The following ME3 variants were observed in gnomAD, a reference collection of about 807,000 sequenced individuals.
ME3 encodes the protein NADP-dependent malic enzyme, mitochondrial.
In ME3, 48 loss-of-function variants were observed where a neutral mutation model predicts 68.9. The ratio of observed to expected loss-of-function variants is 0.70; its 90% CI spans 0.55 to 0.89. The LOEUF (loss-of-function observed/expected upper bound fraction) is 0.89, where lower values mean the gene tolerates loss of function less well. Ranked by LOEUF, ME3 falls within the 40% of genes least tolerant of loss-of-function variation. The pLI is 0.00. For synonymous variants in ME3, 320 were observed against 318.8 expected (o/e 1.00, Z -0.04); for missense variants, 675 against 797.4 (o/e 0.85, Z 1.85).
chr11:86,652,425 G>C (rs1315298912), intron 2 of ME3, among the ~76,000 whole-genome samples: 1 of 152,196 alleles, frequency 6.6e-6, no homozygotes, highest in African/African-American at 2.4e-5. Context: ...CCAGAAGAGA[G>C]TGGGGGTCAA....
intron 6 of ME3, chr11:86,489,249 C>T (rs2138947124): frequency 6.6e-6 from 1 of 152,286 alleles, no homozygotes; most frequent in East Asian, 1.9e-4. Context: ...TCAAGTCTCA[C>T]CTCCACCACA....
intron 2 of ME3, among the ~76,000 whole-genome samples, chr11:86,598,728 G>C (rs112290268): frequency 1.0e-3 from 154 of 152,202 alleles, no homozygotes; most frequent in African/African-American, 3.5e-3. Context: ...CACCTCACGC[G>C]GCCAGGTACT....
intron 8 of ME3, among the ~76,000 whole-genome samples, chr11:86,461,310 C>T (rs1322885031): frequency 1.3e-5 from 2 of 152,080 alleles, no homozygotes; most frequent in Non-Finnish European, 2.9e-5. Context: ...GTGTTTGTCC[C>T]CCAGTGAGGG....
At chr11:86,663,068 G>A (rs1565295328) in intron 2 of ME3, among the ~76,000 whole-genome samples, 1 of 152,188 alleles carries the variant, frequency 6.6e-6, no homozygotes, top group Non-Finnish European at 1.5e-5. Context: ...ACACTACAGA[G>A]GAAGATGTTT....
intron 2 of ME3, among the ~76,000 whole-genome samples, chr11:86,587,301 C>T (rs1412532541): frequency 6.6e-6 from 1 of 152,192 alleles, no homozygotes; most frequent in Non-Finnish European, 1.5e-5. Flanking sequence ...AGGTCTTTCC[C>T]TGAGACCATT....
At chr11:86,512,456 CCAT>C (rs1953607716) in intron 4 of ME3, among the ~76,000 whole-genome samples, 1 of 152,126 alleles carries the variant, frequency 6.6e-6, no homozygotes, top group African/African-American at 2.4e-5. Flanking sequence ...TAAACTTAGT[CCAT>C]AATAGATGTG....
chr11:86,665,958 C>T (rs550014960), intron 2 of ME3, among the ~76,000 whole-genome samples: 1 of 152,074 alleles, frequency 6.6e-6, no homozygotes, highest in South Asian at 2.1e-4. Context: ...TATGAGATGG[C>T]AAAGGAGTGA....
chr11:86,522,265 CAAACAAACAAAA>C (rs541006474), intron 4 of ME3, among the ~76,000 whole-genome samples: 3 of 148,482 alleles, frequency 2.0e-5, no homozygotes, highest in African/African-American at 7.5e-5. Context: ...AACAAACAAA[CAAACAAACAAAA>C]AACCAGATTA....
intron 7 of ME3, among the ~76,000 whole-genome samples, chr11:86,480,689 T>C (rs1951351958): frequency 6.6e-6 from 1 of 152,136 alleles, no homozygotes; most frequent in Non-Finnish European, 1.5e-5. Flanking sequence ...GATGTGTGAG[T>C]GCTTTCCCCA....
chr11:86,620,636 T>G (rs1943288186), intron 2 of ME3, among the ~76,000 whole-genome samples: 1 of 152,192 alleles, frequency 6.6e-6, no homozygotes, highest in African/African-American at 2.4e-5. Context: ...GAACAATCAT[T>G]AAAGGGAGTT....
intron 2 of ME3, among the ~76,000 whole-genome samples, chr11:86,660,232 A>C (rs1946186685): frequency 6.6e-6 from 1 of 152,188 alleles, no homozygotes; most frequent in African/African-American, 2.4e-5. Flanking sequence ...TGGCCATCGA[A>C]AGTGAGTTTG....
chr11:86,442,869 G>A (rs7548), exon 14 of ME3: 511,247 of 1,611,442 alleles, frequency 0.32, 84,442 homozygotes, highest in Non-Finnish European at 0.35. Context: ...TGAGTGGTGG[G>A]TAGAGTCTCC....
intron 7 of ME3, among the ~76,000 whole-genome samples, chr11:86,477,358 A>G (rs578025219): frequency 4.3e-5 from 1 of 23,020 alleles, no homozygotes; most frequent in East Asian, 4.4e-4. Flanking sequence ...CTTAAAATAA[A>G]GTGAATAGTA....
chr11:86,610,049 A>G (rs1262453324), intron 2 of ME3, among the ~76,000 whole-genome samples: 2 of 152,214 alleles, frequency 1.3e-5, no homozygotes, highest in Non-Finnish European at 2.9e-5. Flanking sequence ...GGAAGGCTAC[A>G]TACATTTCAT....
At chr11:86,491,997 G>A (rs1484589762) in intron 6 of ME3, among the ~76,000 whole-genome samples, 1 of 152,226 alleles carries the variant, frequency 6.6e-6, no homozygotes, top group Non-Finnish European at 1.5e-5. Flanking sequence ...GCAGGGGAAA[G>A]GACACTGCTG....
chr11:86,522,003 A>T (rs1954350147), intron 4 of ME3, among the ~76,000 whole-genome samples: 3 of 152,232 alleles, frequency 2.0e-5, no homozygotes, highest in Admixed American at 2.0e-4. Flanking sequence ...TAATCCCAGT[A>T]CTTTGGGAGG....
chr11:86,473,979 A>G (rs894139774), intron 7 of ME3, among the ~76,000 whole-genome samples: 1 of 152,258 alleles, frequency 6.6e-6, no homozygotes, highest in Non-Finnish European at 1.5e-5. Context: ...TTCCAGTGCC[A>G]TATAAGGCAG....
intron 7 of ME3, among the ~76,000 whole-genome samples, chr11:86,486,603 G>A (rs1951701878): frequency 6.6e-5 from 10 of 152,258 alleles, no homozygotes; most frequent in Admixed American, 6.5e-4. Context: ...CAAGAAGGCT[G>A]GAGATTTGCA....
chr11:86,446,510 A>G, intron 12 of ME3, 23 bp from the exon 13 acceptor site: 1 of 1,613,088 alleles, frequency 6.2e-7, no homozygotes, highest in Non-Finnish European at 8.5e-7. Flanking sequence ...AGAAAACCAG[A>G]GATGAACTTG....
Sources: gnomAD v4.1 joint callset for allele counts (sites outside exome capture counted in the v4.1 genomes callset) on GRCh38, gnomAD v4.1.1 for gene constraint, MANE v1.5 for transcripts, NCBI Gene and HGNC (gene_info 2026-07-23, HGNC 2026-07-21) for gene names.